Variants in ZBTB20 observed in about 807,000 individuals in gnomAD.
ZBTB20 encodes the protein zinc finger and BTB domain containing 20.
ZBTB20 carries 9 observed loss-of-function variants against 56.9 expected under a neutral mutation model. The observed-to-expected ratio is 0.16, with a 90% CI of 0.10 to 0.28. The LOEUF (loss-of-function observed/expected upper bound fraction) is 0.28, where lower values mean the gene tolerates loss of function less well. Ranked by LOEUF, ZBTB20 falls within the 10% of genes least tolerant of loss-of-function variation. The probability of loss-of-function intolerance (pLI) is 1.00; values close to 1 mark genes in which losing one functional copy is unlikely to be tolerated. For synonymous variants in ZBTB20, 417 were observed against 420.7 expected, an observed-to-expected ratio of 0.99 and a Z score of 0.11; for missense variants, 655 against 1,003.0, an observed-to-expected ratio of 0.65 and a Z score of 4.69.
intron 1 of ZBTB20, among the ~76,000 whole-genome samples, chr3:115,110,879 C>A (rs2083859420): frequency 1.3e-5 from 2 of 151,976 alleles, no homozygotes; most frequent in African/African-American, 2.4e-5. Context: ...ATCCCACCTA[C>A]CCAAGAGGCT....
At chr3:115,132,228 T>C (rs1411224341) in intron 1 of ZBTB20, among the ~76,000 whole-genome samples, 1 of 152,180 alleles carries the variant, frequency 6.6e-6, no homozygotes, top group Non-Finnish European at 1.5e-5. Context: ...TTTCATATAG[T>C]TCCTGTACCT....
intron 6 of ZBTB20, among the ~76,000 whole-genome samples, chr3:114,555,080 T>C (rs1464366572): frequency 6.6e-6 from 1 of 152,156 alleles, no homozygotes. Context: ...AGGCCTGGAC[T>C]TTTCTTATAC....
chr3:114,390,833 A>G (rs993303013), intron 7 of ZBTB20, among the ~76,000 whole-genome samples: 8 of 152,236 alleles, frequency 5.3e-5, no homozygotes, highest in African/African-American at 1.4e-4. Context: ...TCGCCATCAA[A>G]TACTACACAG....
chr3:114,606,797 A>T (rs1402931764), intron 6 of ZBTB20, among the ~76,000 whole-genome samples: 16 of 145,676 alleles, frequency 1.1e-4, no homozygotes, highest in Non-Finnish European at 1.0e-4. Flanking sequence ...TTGAATATTT[A>T]AAAAAAACAT....
chr3:115,084,427 T>G (rs950442844), intron 1 of ZBTB20, among the ~76,000 whole-genome samples: 1 of 151,862 alleles, frequency 6.6e-6, no homozygotes, highest in Admixed American at 6.6e-5. Flanking sequence ...CACTGAAATA[T>G]TTGTTTATAG....
Position 115,005,017 on chromosome 3 carries a change from G to C in ZBTB20, c.-506-30601C>G, listed in dbSNP as rs548733483. ...TATGTGTGTGTATGAGTGTGTGTAT[G>C]TGTGTGTGTGGGCCTGTTTATGAAG... On this transcript the variant is annotated intron_variant, in intron 2 of 11. Transcript: ENST00000675478. Among the ~76,000 whole-genome samples, 8 of 151,702 alleles carry C rather than the reference G, an allele frequency of 5.3e-5. No homozygotes were observed. In the East Asian group the frequency reaches 1.2e-3, roughly 22 times the overall value.
intron 6 of ZBTB20, among the ~76,000 whole-genome samples, chr3:114,598,536 T>C (rs1560015729): frequency 6.6e-6 from 1 of 152,112 alleles, no homozygotes; most frequent in East Asian, 1.9e-4. Flanking sequence ...TACACAAACA[T>C]TTTCTTCTGG....
At chr3:114,775,442 T>A (rs757106533) in intron 5 of ZBTB20, among the ~76,000 whole-genome samples, 1 of 152,152 alleles carries the variant, frequency 6.6e-6, no homozygotes, top group Non-Finnish European at 1.5e-5. Context: ...GTGGTTAAAA[T>A]TCTTAAAAAT....
intron 7 of ZBTB20, among the ~76,000 whole-genome samples, chr3:114,485,610 C>T (rs1435803151): frequency 6.6e-6 from 1 of 152,168 alleles, no homozygotes; most frequent in Non-Finnish European, 1.5e-5. Context: ...CCCCCCAATT[C>T]ACATGTTGAA....
At chr3:114,788,962 C>T (rs116287633) in intron 5 of ZBTB20, among the ~76,000 whole-genome samples, 2 of 151,990 alleles carry the variant, frequency 1.3e-5, no homozygotes, top group Admixed American at 6.6e-5. Flanking sequence ...ATCATGAGAA[C>T]AGCACAGGAA....
At chr3:115,031,741 A>AT (rs1366673985) in intron 2 of ZBTB20, among the ~76,000 whole-genome samples, 2 of 151,522 alleles carry the variant, frequency 1.3e-5, no homozygotes, top group Non-Finnish European at 3.0e-5. Flanking sequence ...GAAATCAGTG[A>AT]TTTTCAATTG....
chr3:114,590,734 C>T (rs187081204), intron 6 of ZBTB20, among the ~76,000 whole-genome samples: 5 of 152,090 alleles, frequency 3.3e-5, no homozygotes, highest in African/African-American at 1.2e-4. Flanking sequence ...AGTTTTTTTG[C>T]TTCTGAGTAA....
intron 3 of ZBTB20, among the ~76,000 whole-genome samples, chr3:114,908,650 A>C (rs2075408219): frequency 6.6e-6 from 1 of 152,048 alleles, no homozygotes; most frequent in South Asian, 2.1e-4. Flanking sequence ...AGCAGATGAA[A>C]AACTTTAAAT....
At position 115,062,838 on chromosome 3, in the gene ZBTB20, C is replaced by T. The variant is rs117339360; in HGVS notation, c.-507+8381G>A. 1.4e-3 allele frequency among the ~76,000 whole-genome samples: 209 copies of T among 152,190 alleles called. 4 individuals carry two copies. The East Asian group carries it at 0.025, about 18-fold the overall frequency. ...ATTCCATGAGAATAGATGCACTAGC[C>T]ATGCAAAGTTTTTGAGGGAAAAATA... On this transcript the variant is annotated intron_variant, in intron 2 of 11. Coordinates refer to ENST00000675478, the MANE Select transcript of ZBTB20 (RefSeq NM_001348800.3).
intron 6 of ZBTB20, among the ~76,000 whole-genome samples, chr3:114,638,541 T>G (rs2059396805): frequency 6.6e-6 from 1 of 152,088 alleles, no homozygotes; most frequent in Non-Finnish European, 1.5e-5. Flanking sequence ...ACCAAACTGT[T>G]CTTCCTAACT....
intron 6 of ZBTB20, among the ~76,000 whole-genome samples, chr3:114,521,320 G>A (rs1286375224): frequency 6.6e-6 from 1 of 152,090 alleles, no homozygotes; most frequent in African/African-American, 2.4e-5. Flanking sequence ...CACACTGAAT[G>A]TTTTTATAGT....
chr3:114,698,059 C>T (rs1366496432), intron 5 of ZBTB20, among the ~76,000 whole-genome samples: 1 of 152,060 alleles, frequency 6.6e-6, no homozygotes, highest in Non-Finnish European at 1.5e-5. Context: ...ATTTATGATT[C>T]TCTCTATGCA....
At chr3:114,671,428 G>C (rs2061353049) in intron 6 of ZBTB20, among the ~76,000 whole-genome samples, 1 of 152,034 alleles carries the variant, frequency 6.6e-6, no homozygotes, top group African/African-American at 2.4e-5. Flanking sequence ...TCTTGATCTA[G>C]CCTAGGTATA....
intron 7 of ZBTB20, among the ~76,000 whole-genome samples, chr3:114,457,973 G>C (rs4508747): frequency 0.8 from 121,384 of 152,112 alleles, 49,999 homozygotes; most frequent in Non-Finnish European, 0.92. Flanking sequence ...AATAATCTGT[G>C]CAAAACCACT....
Sources: allele counts gnomAD v4.1 joint callset (sites outside exome capture counted in the v4.1 genomes callset), GRCh38; gene constraint gnomAD v4.1.1; transcripts MANE v1.5; gene names NCBI Gene and HGNC (gene_info 2026-07-23, HGNC 2026-07-21).